The following AFF2 variants were observed in gnomAD, a reference collection of about 807,000 sequenced individuals.
The protein encoded by AFF2 is ALF transcription elongation factor 2.
Under a neutral mutation model 76.9 loss-of-function variants are expected in AFF2, and 14 were observed. The ratio of observed to expected loss-of-function variants is 0.18; its 90% CI spans 0.12 to 0.28. The LOEUF is 0.28. Ranked by LOEUF, AFF2 falls within the 10% of genes least tolerant of loss-of-function variation. The pLI, the probability that AFF2 is intolerant of heterozygous loss-of-function variation, is 1.00. For missense variants in AFF2, 868 were observed against 1,001.1 expected, an observed-to-expected ratio of 0.87 and a Z score of 1.79; for synonymous variants, 398 against 366.7, an observed-to-expected ratio of 1.09 and a Z score of -0.98.
intron 3 of AFF2, among the ~76,000 whole-genome samples, chrX:148,790,689 G>A (rs2069881427): frequency 9.1e-6 from 1 of 109,404 alleles, no homozygotes; most frequent in Non-Finnish European, 1.9e-5. Context: ...GGCCTGTTGG[G>A]GGTGGGGTTG....
chrX:148,789,016 G>A (rs2069857720), intron 3 of AFF2, among the ~76,000 whole-genome samples: 1 of 111,534 alleles, frequency 9.0e-6, no homozygotes, highest in Admixed American at 9.5e-5. Context: ...ACTCCTGGAT[G>A]GCATTAATTT....
chrX:148,594,977 A>G (rs782002868), intron 1 of AFF2, among the ~76,000 whole-genome samples: 1 of 111,904 alleles, frequency 8.9e-6, no homozygotes, highest in Non-Finnish European at 1.9e-5. Flanking sequence ...CTTCCACTAG[A>G]ATGCTGGCAG....
chrX:148,544,088 G>A (rs1557237848), intron 1 of AFF2, among the ~76,000 whole-genome samples: 2 of 112,084 alleles, frequency 1.8e-5, no homozygotes, highest in African/African-American at 3.2e-5. Flanking sequence ...CGAACTTGGA[G>A]TGAATGGTCA....
intron 7 of AFF2, among the ~76,000 whole-genome samples, chrX:148,855,555 AC>A (rs1317114176): frequency 2.7e-5 from 3 of 112,375 alleles, no homozygotes; most frequent in Non-Finnish European, 5.6e-5. Context: ...CTCTGAAGTA[AC>A]TTTTTTTTAA....
intron 9 of AFF2, among the ~76,000 whole-genome samples, chrX:148,932,794 A>G (rs1428045447): frequency 1.8e-5 from 2 of 112,072 alleles, no homozygotes; most frequent in Non-Finnish European, 3.8e-5. Context: ...TTGAAAACAC[A>G]CACTTTTACA....
intron 3 of AFF2, among the ~76,000 whole-genome samples, chrX:148,757,941 T>C (rs1176055445): frequency 1.8e-5 from 2 of 112,654 alleles, no homozygotes; most frequent in African/African-American, 3.2e-5. Flanking sequence ...TGCAATGTCC[T>C]AAATGCTACC....
chrX:148,973,899 C>T (rs967762889), intron 16 of AFF2, among the ~76,000 whole-genome samples: 89 of 111,278 alleles, frequency 8.0e-4, no homozygotes, highest in African/African-American at 2.8e-3. Flanking sequence ...ATCATTTTAC[C>T]GTTTAGCATT....
intron 8 of AFF2, 27 bp downstream of exon 8, chrX:148,886,012 G>T (rs1557279058): frequency 9.2e-7 from 1 of 1,090,625 alleles, no homozygotes; most frequent in African/African-American, 1.8e-5. Flanking sequence ...GCTTTGTTTT[G>T]GGATGAAGGG....
intron 1 of AFF2, among the ~76,000 whole-genome samples, chrX:148,548,769 C>T (rs1343062890): frequency 8.9e-6 from 1 of 112,163 alleles, no homozygotes; most frequent in Non-Finnish European, 1.9e-5. Context: ...CTGTTTTCGT[C>T]TTCCAGTGTA....
intron 5 of AFF2, among the ~76,000 whole-genome samples, chrX:148,842,063 A>C (rs1230340812): frequency 2.7e-5 from 3 of 112,526 alleles, no homozygotes; most frequent in African/African-American, 9.7e-5. Flanking sequence ...GGTCAATATT[A>C]GGCTTAATAA....
chrX:148,863,495 G>C (rs2070872934), intron 7 of AFF2, among the ~76,000 whole-genome samples: 1 of 111,697 alleles, frequency 9.0e-6, no homozygotes. Flanking sequence ...GCAAAATCTG[G>C]CTGATTGATT....
intron 7 of AFF2, among the ~76,000 whole-genome samples, chrX:148,864,552 G>A (rs1268955527): frequency 8.9e-6 from 1 of 112,058 alleles, no homozygotes; most frequent in Non-Finnish European, 1.9e-5. Context: ...GCATAGTACA[G>A]CAAATTGCTG....
chrX:148,524,807 G>A (rs1557234995), intron 1 of AFF2, among the ~76,000 whole-genome samples: 2 of 112,157 alleles, frequency 1.8e-5, no homozygotes, highest in Non-Finnish European at 3.8e-5. Context: ...GGGACACTGA[G>A]CTTGCCTTCC....
chrX:148,586,530 T>G (rs2053471333), intron 1 of AFF2, among the ~76,000 whole-genome samples: 1 of 111,775 alleles, frequency 8.9e-6, no homozygotes, highest in Non-Finnish European at 1.9e-5. Flanking sequence ...GAAACACTTC[T>G]CAATCTGAGC....
intron 9 of AFF2, among the ~76,000 whole-genome samples, chrX:148,951,590 A>G (rs1350345268): frequency 1.8e-5 from 2 of 112,166 alleles, no homozygotes; most frequent in Non-Finnish European, 3.8e-5. Context: ...GCTCTGTGTT[A>G]TATTTAAAAC....
chrX:148,903,937 A>G (rs1432521457), intron 8 of AFF2, among the ~76,000 whole-genome samples: 1 of 111,530 alleles, frequency 9.0e-6, no homozygotes, highest in African/African-American at 3.3e-5. Context: ...TTATGCACCC[A>G]GAAGTCCACT....
At chrX:148,727,397 A>T (rs2055171475) in intron 3 of AFF2, among the ~76,000 whole-genome samples, 1 of 112,076 alleles carries the variant, frequency 8.9e-6, no homozygotes. Flanking sequence ...CACTTTGCAG[A>T]ATTGATAGTT....
At chrX:148,704,416 GTAGA>G (rs1557262200) in intron 3 of AFF2, among the ~76,000 whole-genome samples, 3 of 7,020 alleles carry the variant, frequency 4.3e-4, no homozygotes, top group African/African-American at 1.7e-3. Context: ...ATATATATGT[GTAGA>G]TATATATTTA....
intron 1 of AFF2, among the ~76,000 whole-genome samples, chrX:148,628,059 T>C (rs2053944247): frequency 9.1e-6 from 1 of 109,630 alleles, no homozygotes; most frequent in Non-Finnish European, 1.9e-5. Flanking sequence ...AAGCCAAAGG[T>C]GGGAAAGGAG....
Sources: gnomAD v4.1 joint callset for allele counts (sites outside exome capture counted in the v4.1 genomes callset) on GRCh38, gnomAD v4.1.1 for gene constraint, MANE v1.5 for transcripts, NCBI Gene and HGNC (gene_info 2026-07-23, HGNC 2026-07-21) for gene names.